ROBO2: variants seen among roughly 807,000 people sequenced by gnomAD.
ROBO2 encodes the protein roundabout guidance receptor 2, also known as roundabout homolog 2.
Under a neutral mutation model 160.8 loss-of-function variants are expected in ROBO2, and 53 were observed. That is an observed-to-expected ratio of 0.33 (90% CI 0.26 to 0.41). The LOEUF (loss-of-function observed/expected upper bound fraction) is 0.41, where lower values mean the gene tolerates loss of function less well. Ranked by LOEUF, ROBO2 falls within the 10% of genes least tolerant of loss-of-function variation. The pLI, the probability that ROBO2 is intolerant of heterozygous loss-of-function variation, is 1.00. For synonymous variants in ROBO2, 664 were observed against 611.7 expected (o/e 1.09, Z -1.26); for missense variants, 1,577 against 1,722.4 (o/e 0.92, Z 1.49).
intron 2 of ROBO2, chr3:77,316,607 C>A: frequency 1.8e-6 from 1 of 555,496 alleles, no homozygotes; most frequent in South Asian, 1.9e-5. Context: ...AGGGTAACAT[C>A]TTAAAGCAGA....
chr3:77,068,055 A>C (rs1032728882), intron 1 of ROBO2, among the ~76,000 whole-genome samples: 1 of 151,928 alleles, frequency 6.6e-6, no homozygotes, highest in African/African-American at 2.4e-5. Context: ...GTACATTTTT[A>C]GTTCTCAAAA....
chr3:77,393,169 T>C (rs2153502816), intron 2 of ROBO2, among the ~76,000 whole-genome samples: 1 of 152,332 alleles, frequency 6.6e-6, no homozygotes, highest in Non-Finnish European at 1.5e-5. Context: ...TGTTTATTGA[T>C]ATAATATCAA....
chr3:77,145,824 C>T (rs761274750), intron 2 of ROBO2, among the ~76,000 whole-genome samples: 1 of 152,144 alleles, frequency 6.6e-6, no homozygotes, highest in Non-Finnish European at 1.5e-5. Flanking sequence ...AATCTAACAG[C>T]ATGCTTATTC....
intron 5 of ROBO2, among the ~76,000 whole-genome samples, chr3:77,496,736 G>A (rs976937890): frequency 1.3e-5 from 2 of 152,096 alleles, no homozygotes; most frequent in East Asian, 1.9e-4. Flanking sequence ...GACAAGAAAA[G>A]CTTTTCAATT....
intron 2 of ROBO2, among the ~76,000 whole-genome samples, chr3:77,217,529 G>A (rs1026509909): frequency 6.6e-6 from 1 of 152,192 alleles, no homozygotes; most frequent in African/African-American, 2.4e-5. Context: ...TGCTGAAAAA[G>A]CATGATGATG....
At chr3:76,860,689 C>T (rs1577089723) in intron 2 of ROBO2, among the ~76,000 whole-genome samples, 2 of 152,088 alleles carry the variant, frequency 1.3e-5, no homozygotes, top group Admixed American at 6.6e-5. Flanking sequence ...CCATTTTCCT[C>T]CTACATTTTT....
intron 1 of ROBO2, among the ~76,000 whole-genome samples, chr3:77,065,246 A>T (rs2066718863): frequency 6.6e-6 from 1 of 152,212 alleles, no homozygotes; most frequent in Non-Finnish European, 1.5e-5. Flanking sequence ...AATAAATCAC[A>T]TATTAAAGAG....
intron 2 of ROBO2, among the ~76,000 whole-genome samples, chr3:76,294,330 C>T (rs763969703): frequency 6.6e-5 from 10 of 152,088 alleles, no homozygotes; most frequent in African/African-American, 1.4e-4. Flanking sequence ...CCGGCCTATT[C>T]TCAGCTCCGG....
At chr3:77,207,174 T>A (rs1273100977) in intron 2 of ROBO2, among the ~76,000 whole-genome samples, 1 of 152,230 alleles carries the variant, frequency 6.6e-6, no homozygotes, top group Non-Finnish European at 1.5e-5. Context: ...GTTTTGTTTT[T>A]CTCACTTACC....
intron 2 of ROBO2, among the ~76,000 whole-genome samples, chr3:77,331,038 T>C (rs1251448364): frequency 6.6e-6 from 1 of 152,180 alleles, no homozygotes; most frequent in Non-Finnish European, 1.5e-5. Flanking sequence ...TTCTACCATT[T>C]GAGAATGTGC....
rs796458187 is a variant in ROBO2 at position 76,869,383 on chromosome 3, T to A, written c.110-228631T>A. 1.7e-4 allele frequency among the ~76,000 whole-genome samples: 21 copies of A among 122,280 alleles called. No individual in the cohort carries two copies. The South Asian group carries it at 5.5e-3, about 32-fold the overall frequency. The allele number at this position is 122,280 out of a possible 152,430, so 80.2% of individuals were successfully genotyped here. A position where few individuals can be genotyped will look rare whatever the true frequency, so the allele number is the denominator to read the frequency against. ...TTTTTTTTTTGAGACGGAGTCTGAC[T>A]CTGTCGCCCAGGCTGGAGTGCAGTG... On this transcript the variant is annotated intron_variant, in intron 2 of 26. Coordinates refer to the ROBO2 transcript ENST00000487694.
intron 2 of ROBO2, among the ~76,000 whole-genome samples, chr3:77,241,659 A>G (rs1171306142): frequency 6.6e-6 from 1 of 152,208 alleles, no homozygotes; most frequent in Non-Finnish European, 1.5e-5. Context: ...GCAGAGGAGA[A>G]AATTCGGGTG....
At chr3:77,291,745 G>C (rs1443869297) in intron 2 of ROBO2, among the ~76,000 whole-genome samples, 1 of 151,824 alleles carries the variant, frequency 6.6e-6, no homozygotes, top group Non-Finnish European at 1.5e-5. Context: ...GGTAAGCTGA[G>C]GCTAGATCAC....
intron 2 of ROBO2, among the ~76,000 whole-genome samples, chr3:77,176,846 C>G (rs1035746096): frequency 6.6e-6 from 1 of 151,870 alleles, no homozygotes; most frequent in African/African-American, 2.4e-5. Context: ...TTATATAAAA[C>G]TTACAAGTTC....
chr3:77,042,998 A>G (rs921616549), intron 1 of ROBO2, among the ~76,000 whole-genome samples: 1 of 152,216 alleles, frequency 6.6e-6, no homozygotes, highest in Non-Finnish European at 1.5e-5. Context: ...GAAACCCTGG[A>G]CACTCTTACT....
chr3:77,629,599 C>G (rs2095113142), intron 23 of ROBO2: 1 of 152,090 alleles, frequency 6.6e-6, no homozygotes, highest in African/African-American at 2.4e-5. Flanking sequence ...TAAGATATTG[C>G]TAAATATCAA....
chr3:76,424,983 G>T (rs548063641), intron 2 of ROBO2, among the ~76,000 whole-genome samples: 1 of 152,194 alleles, frequency 6.6e-6, no homozygotes, highest in South Asian at 2.1e-4. Context: ...ACCCAGGCAT[G>T]TCTCTGGTGT....
chr3:76,730,209 C>T (rs1050777177), intron 2 of ROBO2, among the ~76,000 whole-genome samples: 2 of 88,962 alleles, frequency 2.2e-5, no homozygotes, highest in Admixed American at 2.5e-4. Flanking sequence ...CTTGTCCTCA[C>T]CTCCTACTCC....
intron 1 of ROBO2, among the ~76,000 whole-genome samples, chr3:77,066,976 C>G (rs1038960294): frequency 6.6e-6 from 1 of 151,220 alleles, no homozygotes; most frequent in African/African-American, 2.4e-5. Flanking sequence ...TCCCCTCCCC[C>G]CTCCACCCCT....
Sources: gnomAD v4.1 joint callset for allele counts (sites outside exome capture counted in the v4.1 genomes callset) on GRCh38, gnomAD v4.1.1 for gene constraint, MANE v1.5 for transcripts, NCBI Gene and HGNC (gene_info 2026-07-23, HGNC 2026-07-21) for gene names.